DGKE: variants seen among roughly 807,000 people sequenced by gnomAD.
DGKE encodes the protein DAG kinase epsilon.
A neutral mutation model predicts 70.0 loss-of-function variants in DGKE; 53 were observed. The ratio of observed to expected loss-of-function variants is 0.76; its 90% CI spans 0.61 to 0.95. The LOEUF (loss-of-function observed/expected upper bound fraction) is 0.95, where lower values mean the gene tolerates loss of function less well. Ranked by LOEUF, DGKE falls within the 40% of genes least tolerant of loss-of-function variation. The pLI is 0.00. For synonymous variants in DGKE, 291 were observed against 257.0 expected (o/e 1.13, Z -1.27); for missense variants, 655 against 706.9 (o/e 0.93, Z 0.83).
chr17:56,863,018 AC>A lies in DGKE; in HGVS notation c.*228del, dbSNP rs1908384973. The A allele has an allele frequency of 2.7e-6, 1 of 376,492 alleles. No homozygotes were observed. Among genetic ancestry groups the A allele is most frequent in the Non-Finnish European group, 4.6e-6 (1 of 215,088 alleles). The allele number at this position is 376,492 out of a possible 1,614,324, so 23.3% of individuals were successfully genotyped here. A position where few individuals can be genotyped will look rare whatever the true frequency, so the allele number is the denominator to read the frequency against. On this transcript the variant is annotated 3_prime_UTR_variant, in exon 12 of 12. Coordinates refer to ENST00000284061, the MANE Select transcript of DGKE (RefSeq NM_003647.3). ...TACTTCAAATGAATAGTATTAACTT[AC>A]AAAAAGTCACAAAAACTTACATGAG...
chr17:56,836,309 A>G (rs2144189064), intron 2 of DGKE: 1 of 152,360 alleles, frequency 6.6e-6, no homozygotes, highest in Non-Finnish European at 1.5e-5. Flanking sequence ...ACATTATCAA[A>G]GAGGCTTAAG....
intron 9 of DGKE, among the ~76,000 whole-genome samples, chr17:56,861,005 G>T (rs79203747): frequency 2.1e-3 from 327 of 152,278 alleles, no homozygotes; most frequent in African/African-American, 7.4e-3. Context: ...TTTAAGTGTC[G>T]ATCCAACCGC....
intron 2 of DGKE, among the ~76,000 whole-genome samples, chr17:56,843,442 G>A (rs1242002393): frequency 6.6e-6 from 1 of 152,022 alleles, no homozygotes; most frequent in Non-Finnish European, 1.5e-5. Context: ...ACTCTTTAGT[G>A]TTATTATTAA....
rs368791836 is a variant in DGKE, at chr17:56,861,752, T to G, written c.1285-39T>G. 6.2e-6 allele frequency: 10 copies of G among 1,601,168 alleles called. No individual in the cohort carries two copies. In the East Asian group the frequency reaches 9.0e-5, roughly 14 times the overall value. ...TCTAAATGGATGTGTGTGGAAATTG[T>G]GTATCCTGTAGTCACTATCTATTTG... On this transcript the variant is annotated intron_variant, in intron 9 of 11. Transcript: ENST00000284061.
rs902491022 is a variant in DGKE at position 56,866,206 on chromosome 17, C to G, written c.*3415C>G. On this transcript the variant is annotated 3_prime_UTR_variant, in exon 12 of 12. Coordinates refer to ENST00000284061, the MANE Select transcript of DGKE (RefSeq NM_003647.3). Reference sequence around the variant, plus strand: ...TCAATTTTTCCCTTGAAGCCTTTCTCTTGTTCTTCAGAGTACGCGCTGCAG... The same window carrying G: ...TCAATTTTTCCCTTGAAGCCTTTCTGTTGTTCTTCAGAGTACGCGCTGCAG... 3.9e-5 allele frequency: 6 copies of G among 152,212 alleles called. No homozygotes were observed. The highest frequency in any genetic ancestry group is 1.4e-4 in the African/African-American group (6 of 41,466). The allele number at this position is 152,212 out of a possible 1,614,324, so 9.4% of individuals were successfully genotyped here.
chr17:56,834,888 G>C lies in DGKE; in HGVS notation c.93G>C (p.Leu31=), dbSNP rs1350485323. 3.7e-6 allele frequency: 6 copies of C among 1,613,628 alleles called. No homozygotes were observed. Among genetic ancestry groups the C allele is most frequent in the East Asian group, 4.5e-5 (2 of 44,866 alleles). The change falls in exon 2 of 12, where the codon CTG becomes CTC. Residue 31 remains leucine (L), a synonymous_variant. Coordinates refer to ENST00000284061, the MANE Select transcript of DGKE (RefSeq NM_003647.3). Reference sequence around the variant, plus strand: ...TCTTGTGGACGCTGTGCTCGGTCCTGCTGCCGGTGTTCATCACCTTCTGGT... The same window carrying C: ...TCTTGTGGACGCTGTGCTCGGTCCTCCTGCCGGTGTTCATCACCTTCTGGT... ...HLILWTLCSV[L]LPVFITFWCS...
chr17:56,837,589 T>C (rs1906709748), intron 2 of DGKE, among the ~76,000 whole-genome samples: 1 of 152,200 alleles, frequency 6.6e-6, no homozygotes, highest in Non-Finnish European at 1.5e-5. Flanking sequence ...TGTTGGCCAA[T>C]AATTGTATAC....
chr17:56,845,350 C>T (rs533742606), intron 3 of DGKE, among the ~76,000 whole-genome samples: 85 of 152,206 alleles, frequency 5.6e-4, no homozygotes, highest in African/African-American at 1.8e-3. Context: ...TATAGAAAGA[C>T]AGATTTTCAA....
chr17:56,835,165 C>G lies in DGKE; in HGVS notation c.370C>G (p.Pro124Ala). 6.2e-7 allele frequency: 1 copy of G among 1,614,050 alleles called. No individual in the cohort carries two copies. Among genetic ancestry groups the G allele is most frequent in the South Asian group, 1.1e-5 (1 of 91,086 alleles). Reference protein sequence around the residue: ...KNDTKVLDAMPHHWIRGNVPL... With the variant: ...KNDTKVLDAMAHHWIRGNVPL... Reference sequence around the variant, plus strand: ...TGACACCAAGGTCCTGGACGCCATGCCCCACCACTGGATCCGGGGCAACGT... The same window carrying G: ...TGACACCAAGGTCCTGGACGCCATGGCCCACCACTGGATCCGGGGCAACGT... Residue 124 changes from proline to alanine, a missense_variant, in exon 2 of 12, where the codon CCC (proline) becomes GCC (alanine). Transcript: ENST00000284061.
intron 2 of DGKE, chr17:56,838,803 G>A (rs750999218): frequency 3.5e-4 from 53 of 151,860 alleles, no homozygotes; most frequent in Non-Finnish European, 6.2e-4. Flanking sequence ...TTTTAGTTAC[G>A]TATGTTCATT....
intron 2 of DGKE, among the ~76,000 whole-genome samples, chr17:56,841,764 ATAAAC>A (rs1161938671): frequency 2.0e-5 from 3 of 152,214 alleles, no homozygotes; most frequent in African/African-American, 4.8e-5. Flanking sequence ...ATTTTCAAAA[ATAAAC>A]TAAATGTCTT....
At chr17:56,842,175 A>G (rs1907024440) in intron 2 of DGKE, among the ~76,000 whole-genome samples, 1 of 152,212 alleles carries the variant, frequency 6.6e-6, no homozygotes, top group African/African-American at 2.4e-5. Context: ...CTGAGAATAA[A>G]TAAGTCAAAA....
intron 7 of DGKE, among the ~76,000 whole-genome samples, chr17:56,855,017 G>A (rs1338759762): frequency 6.6e-6 from 1 of 152,152 alleles, no homozygotes; most frequent in African/African-American, 2.4e-5. Context: ...GCCAGGCACT[G>A]TCGTAGGTGC....
chr17:56,862,795 G>T lies in DGKE; in HGVS notation c.*4G>T. The T allele has an allele frequency of 6.5e-7, 1 of 1,535,804 alleles. No individual in the cohort carries two copies. On this transcript the variant is annotated 3_prime_UTR_variant, in exon 12 of 12. Coordinates refer to ENST00000284061, the MANE Select transcript of DGKE (RefSeq NM_003647.3). ...AGATATAAAGGCGACTGAATAGATG[G>T]ATGAGGGAGTGAAAACTTTGCATAG...
chr17:56,854,523 C>T (rs1907831987), intron 7 of DGKE, among the ~76,000 whole-genome samples: 2 of 151,874 alleles, frequency 1.3e-5, no homozygotes, highest in Non-Finnish European at 1.5e-5. Context: ...CTGTGTTGCC[C>T]GGGCTGGTCT....
chr17:56,856,776 C>CTTT, intron 8 of DGKE, 151 bp downstream of exon 8: 1 of 789,332 alleles, frequency 1.3e-6, no homozygotes, highest in Non-Finnish European at 1.8e-6. Flanking sequence ...CAAATTAGAT[C>CTTT]TTTTTTTTTT....
intron 2 of DGKE, chr17:56,838,734 C>A (rs1396897030): frequency 6.6e-6 from 1 of 151,914 alleles, no homozygotes; most frequent in Non-Finnish European, 1.5e-5. Flanking sequence ...ATTCATGAGG[C>A]ATTCCATATT....
Position 56,867,352 on chromosome 17 carries a change from G to T in DGKE, c.*4561G>T, listed in dbSNP as rs533840991. 6.6e-6 allele frequency: 1 copy of T among 152,324 alleles called. No homozygotes were observed. The highest frequency in any genetic ancestry group is 2.4e-5 in the African/African-American group (1 of 41,556). 9.4% of individuals were successfully genotyped at this position (152,324 alleles called of 1,614,324 possible). A position where few individuals can be genotyped will look rare whatever the true frequency, so the allele number is the denominator to read the frequency against. On this transcript the variant is annotated 3_prime_UTR_variant, in exon 12 of 12. Coordinates refer to ENST00000284061, the MANE Select transcript of DGKE (RefSeq NM_003647.3). ...ACGGTGGCTCACACCTGTAATCCCAGCACTTGGGGGGCTAAGGGAGGCGTA... is the reference window on the plus strand; with the variant it reads ...ACGGTGGCTCACACCTGTAATCCCATCACTTGGGGGGCTAAGGGAGGCGTA...
At chr17:56,846,125 CA>C (rs763938281) in intron 4 of DGKE, 2 of 178,550 alleles carry the variant, frequency 1.1e-5, no homozygotes, top group Non-Finnish European at 2.3e-5. Flanking sequence ...AAAATGTTCA[CA>C]GCAGCATTAT....
Sources: allele counts gnomAD v4.1 joint callset (sites outside exome capture counted in the v4.1 genomes callset), GRCh38; gene constraint gnomAD v4.1.1; transcripts MANE v1.5; gene names NCBI Gene and HGNC (gene_info 2026-07-23, HGNC 2026-07-21).